The following DCHS1 variants were observed in gnomAD, a reference collection of about 807,000 sequenced individuals.
The protein encoded by DCHS1 is protocadherin-16.
Under a neutral mutation model 213.9 loss-of-function variants are expected in DCHS1, and 78 were observed. The ratio of observed to expected loss-of-function variants is 0.36; its 90% CI spans 0.30 to 0.44. The LOEUF is 0.44. Among genes scored for constraint, DCHS1 ranks in the 20% least tolerant of loss-of-function variants. The pLI, the probability that DCHS1 is intolerant of heterozygous loss-of-function variation, is 1.00. For missense variants in DCHS1, 3,946 were observed against 4,395.9 expected (o/e 0.90, Z 2.89); for synonymous variants, 1,828 against 1,873.7 (o/e 0.98, Z 0.63).
rs777724702 is a variant in DCHS1 at position 6,640,438 on chromosome 11, G to C, written c.1176C>G (p.Asp392Glu). The C allele has an allele frequency of 6.2e-7, 1 of 1,613,932 alleles. No individual in the cohort carries two copies. The highest frequency in any genetic ancestry group is 1.7e-5 in the Admixed American group (1 of 60,026). The part of the protein sequence containing the change: ...GQLVARISVS[D>E]PDDGDFAHVN... ...CATGGGCAAAGTCACCATCATCTGG[G>C]TCTGACACAGAGATGCGAGCAACGA... The change falls in exon 2 of 21, where the codon GAC becomes GAG. Residue 392 changes from aspartate to glutamate, a missense_variant. This residue lies in a region of DCHS1 where 3,384 missense variants were observed against 3,780.1 expected (regional missense o/e 0.90). Coordinates refer to ENST00000299441, the MANE Select transcript of DCHS1 (RefSeq NM_003737.4). This position sits in a 1 kb window ranked among gnomAD's most constrained non-coding sequence, Gnocchi z 6.5.
chr11:6,653,992 G>A (rs747554920), intron 1 of DCHS1, among the ~76,000 whole-genome samples: 6 of 151,988 alleles, frequency 3.9e-5, no homozygotes, highest in Non-Finnish European at 8.8e-5. Context: ...TGGGAGGGAG[G>A]AAGGTAACAG....
At chr11:6,634,667 C>T (rs1855963386) in intron 2 of DCHS1, among the ~76,000 whole-genome samples, 1 of 152,156 alleles carries the variant, frequency 6.6e-6, no homozygotes, top group Non-Finnish European at 1.5e-5. Flanking sequence ...GTATTTTCTC[C>T]ATACAACACA....
rs1445611074 is a variant in DCHS1 at position 6,630,362 on chromosome 11, G to A, written c.4432C>T (p.Arg1478Cys). ...PNSDVRYRLLRQEPPVPALRL... is the reference protein window; with the variant it reads ...PNSDVRYRLLCQEPPVPALRL... Reference sequence around the variant, plus strand: ...AGCGCCGGCACGGGCGGCTCCTGGCGCAGCAGGCGGTAGCGCACGTCGCTA... The same window carrying A: ...AGCGCCGGCACGGGCGGCTCCTGGCACAGCAGGCGGTAGCGCACGTCGCTA... The change falls in exon 10 of 21, where the codon CGC becomes TGC. Residue 1478 changes from arginine (R) to cysteine (C), a missense_variant. By Grantham distance (180) the Arg-to-Cys change is radical. Coordinates refer to ENST00000299441, the MANE Select transcript of DCHS1 (RefSeq NM_003737.4). The A allele has an allele frequency of 1.5e-6, 2 of 1,320,614 alleles. No individual in the cohort carries two copies. Among genetic ancestry groups the A allele is most frequent in the East Asian group, 3.5e-5 (1 of 28,286 alleles). 81.8% of individuals were successfully genotyped at this position (1,320,614 alleles called of 1,614,324 possible).
Position 6,625,499 on chromosome 11 carries a change from A to T in DCHS1, c.6863-18T>A. The T allele has an allele frequency of 6.2e-7, 1 of 1,606,784 alleles. No homozygotes were observed. The highest frequency in any genetic ancestry group is 8.5e-7 in the Non-Finnish European group (1 of 1,177,690). On this transcript the variant is annotated intron_variant, in intron 18 of 20. Coordinates refer to ENST00000299441, the MANE Select transcript of DCHS1 (RefSeq NM_003737.4). This position sits in a 1 kb window ranked among gnomAD's most constrained non-coding sequence, Gnocchi z 5.3. Reference sequence around the variant, plus strand: ...TAACGCATCTGGAATACATGAGACTAGTGTGTTTGGCAATGGACACAGCCC... The same window carrying T: ...TAACGCATCTGGAATACATGAGACTTGTGTGTTTGGCAATGGACACAGCCC...
chr11:6,642,609 G>T (rs1260964461), intron 1 of DCHS1, among the ~76,000 whole-genome samples: 1 of 149,928 alleles, frequency 6.7e-6, no homozygotes, highest in Non-Finnish European at 1.5e-5. Context: ...AGTCAAGGTG[G>T]GGCTCAGAGT....
chr11:6,643,649 C>T (rs1205539611), intron 1 of DCHS1, among the ~76,000 whole-genome samples: 2 of 152,210 alleles, frequency 1.3e-5, no homozygotes, highest in Admixed American at 6.5e-5. Context: ...TCTTTTCCCA[C>T]TCTCCATACT....
rs2134633201 is a variant in DCHS1 at position 6,633,437 on chromosome 11, G to A, written c.2430C>T (p.Gly810=). The A allele has an allele frequency of 6.4e-7, 1 of 1,561,686 alleles. No individual in the cohort carries two copies. The highest frequency in any genetic ancestry group is 8.7e-7 in the Non-Finnish European group (1 of 1,152,108). ...PEDVAPGTSV[G]IVQAHNPPGR... ...CTGGTGGGTTGTGTGCCTGGACTATGCCCACACTGGTGCCTGGTGCCACAT... is the reference window on the plus strand; with the variant it reads ...CTGGTGGGTTGTGTGCCTGGACTATACCCACACTGGTGCCTGGTGCCACAT... The change falls in exon 5 of 21, where the codon GGC becomes GGT. Residue 810 remains glycine (G), a synonymous_variant. Transcript: ENST00000299441.
Position 6,625,713 on chromosome 11 carries a change from G to A in DCHS1, c.6746C>T (p.Ala2249Val), listed in dbSNP as rs753999808. 6 of 1,607,048 alleles carry A rather than the reference G, an allele frequency of 3.7e-6. No homozygotes were observed. The Admixed American group carries it at 1.0e-4, about 28-fold the overall frequency. The change falls in exon 18 of 21, where the codon GCC becomes GTC. Residue 2249 changes from alanine to valine, a missense_variant. Coordinates refer to ENST00000299441, the MANE Select transcript of DCHS1 (RefSeq NM_003737.4). The surrounding 1 kb of genome is among the most constrained non-coding windows in gnomAD (Gnocchi z 5.3). The part of the protein sequence containing the change: ...IWAETRLVLM[A>V]TDRGSPALVG... The stretch of plus-strand genomic sequence containing the variant: ...CAGGGCTGGGCTCCCTCTGTCTGTG[G>A]CCATCAGCACCAACCTGGACACAAA...
intron 1 of DCHS1, among the ~76,000 whole-genome samples, chr11:6,647,723 C>T (rs945029549): frequency 3.3e-5 from 5 of 152,072 alleles, no homozygotes; most frequent in Admixed American, 1.3e-4. Context: ...TTAATTTGGT[C>T]GCAGGACTAT....
At chr11:6,639,719 T>A in intron 2 of DCHS1, 98 bp downstream of exon 2, 1 of 1,048,660 alleles carries the variant, frequency 9.5e-7, no homozygotes, top group African/African-American at 1.6e-5. Flanking sequence ...TAAGTCACCA[T>A]CAACAGATGA....
chr11:6,623,622 G>A lies in DCHS1; in HGVS notation c.8054C>T (p.Ala2685Val). The change falls in exon 21 of 21, where the codon GCA becomes GTA. Residue 2685 changes from alanine (A) to valine (V), a missense_variant. Around this residue, in one of 3 missense-constraint regions of DCHS1, gnomAD observed 3,384 missense variants for 3,780.1 expected, o/e 0.90. Transcript: ENST00000299441. ...LVVQAADPAGAHFALAPVTIE... is the reference protein window; with the variant it reads ...LVVQAADPAGVHFALAPVTIE... ...TGTCACTGGTGCCAAAGCAAAGTGT[G>A]CACCAGCAGGGTCAGCAGCCTGTAC... 1 of 1,613,820 alleles carries A rather than the reference G, an allele frequency of 6.2e-7. No homozygotes were observed. The highest frequency in any genetic ancestry group is 1.3e-5 in the African/African-American group (1 of 75,060).
At chr11:6,629,648 A>G (rs376214909) in intron 11 of DCHS1, 24 bp downstream of exon 11, 232 of 1,612,546 alleles carry the variant, frequency 1.4e-4, no homozygotes, top group Non-Finnish European at 1.9e-4. Context: ...CATCCCACTC[A>G]TAATTCACCC....
At position 6,622,751 on chromosome 11, in the gene DCHS1, C is replaced by T. The variant is rs1855718920; in HGVS notation, c.8925G>A (p.Met2975Ile). 1 of 1,591,308 alleles carries T rather than the reference C, an allele frequency of 6.3e-7. No homozygotes were observed. The highest frequency in any genetic ancestry group is 8.6e-7 in the Non-Finnish European group (1 of 1,169,170). ...SRKAEAAPGPMSQAAPLASDS... is the reference protein window; with the variant it reads ...SRKAEAAPGPISQAAPLASDS... The stretch of plus-strand genomic sequence containing the variant: ...CACTGGCTAGGGGTGCTGCCTGTGA[C>T]ATTGGGCCAGGGGCTGCCTCAGCCT... Residue 2975 changes from methionine to isoleucine, a missense_variant, in exon 21 of 21, where the codon ATG becomes ATA. Around this residue, in one of 3 missense-constraint regions of DCHS1, gnomAD observed 554 missense variants for 590.2 expected, o/e 0.94. Coordinates refer to ENST00000299441, the MANE Select transcript of DCHS1 (RefSeq NM_003737.4). The surrounding 1 kb of genome is among the most constrained non-coding windows in gnomAD (Gnocchi z 5.4).
intron 11 of DCHS1, 24 bp downstream of exon 11, chr11:6,629,648 A>C (rs376214909): frequency 6.2e-7 from 1 of 1,612,664 alleles, no homozygotes; most frequent in Non-Finnish European, 8.5e-7. Context: ...CATCCCACTC[A>C]TAATTCACCC....
chr11:6,633,391 G>A, intron 5 of DCHS1, 21 bp downstream of exon 5: 1 of 1,545,388 alleles, frequency 6.5e-7, no homozygotes, highest in African/African-American at 1.4e-5. Flanking sequence ...GACACCAAGT[G>A]GGTATAAAGC....
At position 6,632,432 on chromosome 11, in the gene DCHS1, G is replaced by A; in HGVS notation, c.3080C>T (p.Pro1027Leu). Reference sequence around the variant, plus strand: ...GTGATAGGTGATAGGGCCCCCATCTGGTGCTTGGGCCTGCACTTGCAGGAC... The same window carrying A: ...GTGATAGGTGATAGGGCCCCCATCTAGTGCTTGGGCCTGCACTTGCAGGAC... ...TQVLQVQAQA[P>L]DGGPITYHLA... The change falls in exon 6 of 21, where the codon CCA becomes CTA. Residue 1027 changes from proline (P) to leucine (L), a missense_variant. This residue lies in a region of DCHS1 where 3,384 missense variants were observed against 3,780.1 expected (regional missense o/e 0.90). Transcript: ENST00000299441. The surrounding 1 kb of genome is among the most constrained non-coding windows in gnomAD (Gnocchi z 5.9). 1.9e-6 allele frequency: 3 copies of A among 1,608,896 alleles called. No individual in the cohort carries two copies. The highest frequency in any genetic ancestry group is 2.6e-6 in the Non-Finnish European group (3 of 1,176,436).
At position 6,621,431 on chromosome 11, in the gene DCHS1, A is replaced by C; in HGVS notation, c.*348T>G. On this transcript the variant is annotated 3_prime_UTR_variant, in exon 21 of 21. Coordinates refer to ENST00000299441, the MANE Select transcript of DCHS1 (RefSeq NM_003737.4). ...AGTGGAACCCAAAGGAGCTGGGTCC[A>C]AACATGTTGGAGGGACCTCCTCCAT... 2.5e-6 allele frequency: 1 copy of C among 398,916 alleles called. No homozygotes were observed. The highest frequency in any genetic ancestry group is 4.8e-6 in the Non-Finnish European group (1 of 207,308). The allele number at this position is 398,916 out of a possible 1,614,324, so 24.7% of individuals were successfully genotyped here. A position where few individuals can be genotyped will look rare whatever the true frequency, so the allele number is the denominator to read the frequency against.
chr11:6,637,815 T>A (rs1040461683), intron 2 of DCHS1, among the ~76,000 whole-genome samples: 1 of 152,024 alleles, frequency 6.6e-6, no homozygotes, highest in Non-Finnish European at 1.5e-5. Flanking sequence ...CTCCTTAAGA[T>A]GAGGGGAGTG....
intron 12 of DCHS1, 72 bp downstream of exon 12, chr11:6,629,380 G>T (rs911902035): frequency 2.5e-5 from 39 of 1,557,244 alleles, no homozygotes; most frequent in Admixed American, 3.9e-5. Context: ...GTAGTACTTT[G>T]GGTATTCTAT....
Sources: allele counts gnomAD v4.1 joint callset (sites outside exome capture counted in the v4.1 genomes callset), GRCh38; gene constraint gnomAD v4.1.1; regional missense constraint gnomAD v4.1.1; non-coding constraint Gnocchi (gnomAD v3.1); transcripts MANE v1.5; gene names NCBI Gene and HGNC (gene_info 2026-07-23, HGNC 2026-07-21).